ERBB2: variants seen among roughly 807,000 people sequenced by gnomAD.
The protein encoded by ERBB2 is erb-b2 receptor tyrosine kinase 2, also known as receptor tyrosine-protein kinase erbB-2.
ERBB2 carries 61 observed loss-of-function variants against 149.0 expected under a neutral mutation model. That is an observed-to-expected ratio of 0.41 (90% CI 0.33 to 0.51). The LOEUF (loss-of-function observed/expected upper bound fraction) is 0.51. Ranked by LOEUF, ERBB2 falls within the 20% of genes least tolerant of loss-of-function variation. ERBB2 has a pLI of 0.25. For missense variants in ERBB2, 1,205 were observed against 1,655.1 expected (o/e 0.73, Z 4.72); for synonymous variants, 633 against 678.8 (o/e 0.93, Z 1.05).
intron 2 of ERBB2, among the ~76,000 whole-genome samples, chr17:39,689,900 C>CAAAAA (rs77805136): frequency 4.2e-5 from 2 of 47,470 alleles, no homozygotes; most frequent in African/African-American, 8.3e-5. Context: ...GAGCGAAACT[C>CAAAAA]AAAAAAAAAA....
upstream of ERBB2, among the ~76,000 whole-genome samples, chr17:39,696,180 TC>T (rs1474468970): frequency 6.6e-6 from 1 of 152,016 alleles, no homozygotes; most frequent in Non-Finnish European, 1.5e-5. Context: ...CTGCCCCCCT[TC>T]CTCTCCTCTT....
upstream of ERBB2, among the ~76,000 whole-genome samples, chr17:39,693,055 C>T (rs555206093): frequency 6.6e-6 from 1 of 152,140 alleles, no homozygotes; most frequent in African/African-American, 2.4e-5. Context: ...GAGCAAGTCT[C>T]TGTCTCAAAA....
Position 39,701,557 on chromosome 17 carries a change from G to T in ERBB2, c.73+1246G>T, listed in dbSNP as rs1354963896. Among the ~76,000 whole-genome samples the T allele has an allele frequency of 9.9e-5, 15 of 152,166 alleles. 1 individual carries two copies. Among genetic ancestry groups the T allele is most frequent in the Admixed American group, 9.8e-4 (15 of 15,282 alleles). ...GTCAGAGGGTCTGGGGAGGGAGTGG[G>T]TGTCATCGTGGCTGTGTGTTGCCCG... is the stretch of plus-strand genomic sequence containing the variant. On this transcript the variant is annotated intron_variant, in intron 1 of 26. Coordinates refer to ENST00000269571, the MANE Select transcript of ERBB2 (RefSeq NM_004448.4).
Position 39,723,419 on chromosome 17 carries a change from C to G in ERBB2, c.2047C>G (p.Arg683Gly). 6.2e-7 allele frequency: 1 copy of G among 1,614,188 alleles called. No homozygotes were observed. Among genetic ancestry groups the G allele is most frequent in the Non-Finnish European group, 8.5e-7 (1 of 1,180,044 alleles). ...ILIKRRQQKI[R>G]KYTMRRLLQE... ...CATCAAGCGACGGCAGCAGAAGATC[C>G]GGAAGTACACGATGCGGAGACTGCT... Residue 683 changes from arginine to glycine, a missense_variant, in exon 17 of 27, where the codon CGG (arginine) becomes GGG (glycine). Physicochemically the swap from Arg to Gly is moderately radical, Grantham distance 125. Transcript: ENST00000269571. This position sits in a 1 kb window ranked among gnomAD's most constrained non-coding sequence, Gnocchi z 6.2.
chr17:39,724,051 A>T, intron 19 of ERBB2, 41 bp downstream of exon 19: 3 of 1,448,372 alleles, frequency 2.1e-6, no homozygotes, highest in Non-Finnish European at 2.9e-6. Context: ...GACAGGAAGG[A>T]CCCCATGGCT....
chr17:39,712,825 A>G (rs1423564594), intron 9 of ERBB2, among the ~76,000 whole-genome samples: 1 of 152,240 alleles, frequency 6.6e-6, no homozygotes, highest in Non-Finnish European at 1.5e-5. Flanking sequence ...AACCAAAGGA[A>G]ATGAACTACC....
Position 39,726,838 on chromosome 17 carries a change from T to G in ERBB2, c.2994T>G (p.Ser998Arg). The change falls in exon 25 of 27, where the codon AGT becomes AGG. Residue 998 changes from serine to arginine, a missense_variant. Coordinates refer to ENST00000269571, the MANE Select transcript of ERBB2 (RefSeq NM_004448.4). This position sits in a 1 kb window ranked among gnomAD's most constrained non-coding sequence, Gnocchi z 5.1. ...AGAATGAGGACTTGGGCCCAGCCAG[T>G]CCCTTGGACAGCACCTTCTACCGCT... ...VIQNEDLGPA[S>R]PLDSTFYRSL... 6.2e-7 allele frequency: 1 copy of G among 1,612,734 alleles called. No homozygotes were observed. The highest frequency in any genetic ancestry group is 8.5e-7 in the Non-Finnish European group (1 of 1,179,214).
chr17:39,723,696 G>T lies in ERBB2; in HGVS notation c.2208+36G>T. ...GGTCCTGGGGTGGGCGGCCCCAGAG[G>T]ATGGGGGCGGTGCCTGGAGGGGTGT... On this transcript the variant is annotated intron_variant, in intron 18 of 26. Coordinates refer to ENST00000269571, the MANE Select transcript of ERBB2 (RefSeq NM_004448.4). The surrounding 1 kb of genome is among the most constrained non-coding windows in gnomAD (Gnocchi z 6.2). 1.3e-6 allele frequency: 2 copies of T among 1,584,554 alleles called. No individual in the cohort carries two copies. Among genetic ancestry groups the T allele is most frequent in the Non-Finnish European group, 1.7e-6 (2 of 1,165,090 alleles).
chr17:39,718,740 AT>A (rs908547816), intron 15 of ERBB2, among the ~76,000 whole-genome samples: 11 of 148,630 alleles, frequency 7.4e-5, no homozygotes, highest in Admixed American at 2.7e-4. Flanking sequence ...TACCACCTTT[AT>A]TTTTTTTTTA....
chr17:39,703,803 A>G (rs944200031), intron 1 of ERBB2, among the ~76,000 whole-genome samples: 2 of 152,254 alleles, frequency 1.3e-5, no homozygotes, highest in African/African-American at 2.4e-5. Context: ...GGGGAATCCC[A>G]GTGTCACTTG....
upstream of ERBB2, among the ~76,000 whole-genome samples, chr17:39,694,475 T>C (rs956789277): frequency 2.0e-5 from 3 of 151,104 alleles, no homozygotes; most frequent in Admixed American, 2.0e-4. Context: ...GGAGAAATGA[T>C]AGAGACTCAG....
At chr17:39,720,034 A>T (rs2059365763) in intron 16 of ERBB2, 200 bp downstream of exon 16, 1 of 588,916 alleles carries the variant, frequency 1.7e-6, no homozygotes, top group Admixed American at 3.0e-5. Flanking sequence ...ACTGCAAGGA[A>T]AGATGGCTAG....
chr17:39,725,074 G>A lies in ERBB2; in HGVS notation c.2519G>A (p.Arg840Gln), dbSNP rs747967722. ...GGGATGAGCTACCTGGAGGATGTGC[G>A]GCTCGTACACAGGGACTTGGCCGCT... ...AKGMSYLEDV[R>Q]LVHRDLAARN... The change falls in exon 21 of 27, where the codon CGG becomes CAG. Residue 840 changes from arginine to glutamine, a missense_variant. Around this residue, in one of 6 missense-constraint regions of ERBB2, gnomAD observed 152 missense variants for 318.1 expected, o/e 0.48. Transcript: ENST00000269571. This position sits in a 1 kb window ranked among gnomAD's most constrained non-coding sequence, Gnocchi z 4.6. 5.6e-6 allele frequency: 9 copies of A among 1,614,166 alleles called. No individual in the cohort carries two copies. The highest frequency in any genetic ancestry group is 4.4e-5 in the South Asian group (4 of 91,088).
rs375706107 is a variant in ERBB2, at chr17:39,724,019, C to T, written c.2307+9C>T. 3.9e-5 allele frequency: 62 copies of T among 1,598,052 alleles called. No individual in the cohort carries two copies. In the Middle Eastern group the frequency reaches 1.5e-3, roughly 39 times the overall value. On this transcript the variant is annotated intron_variant, in intron 19 of 26. Coordinates refer to ENST00000269571, the MANE Select transcript of ERBB2 (RefSeq NM_004448.4). ...ACAAAGAAATCTTAGACGTAAGCCCCTCCACCCTCTCCTGCTAGGAGGACA... is the reference window on the plus strand; with the variant it reads ...ACAAAGAAATCTTAGACGTAAGCCCTTCCACCCTCTCCTGCTAGGAGGACA...
At chr17:39,696,659 T>G (rs979492619), upstream of ERBB2, 7 of 152,210 alleles carry the variant, frequency 4.6e-5, no homozygotes, top group Admixed American at 1.3e-4. Context: ...GGCTCAAGGT[T>G]CCTCTTCTGC....
At position 39,726,340 on chromosome 17, in the gene ERBB2, T is replaced by TA; in HGVS notation, c.2873-216dup. 1.8e-6 allele frequency: 1 copy of TA among 554,356 alleles called. No individual in the cohort carries two copies. Among genetic ancestry groups the TA allele is most frequent in the East Asian group, 2.9e-5 (1 of 34,170 alleles). 34.3% of individuals were successfully genotyped at this position (554,356 alleles called of 1,614,324 possible). A position where few individuals can be genotyped will look rare whatever the true frequency, so the allele number is the denominator to read the frequency against. On this transcript the variant is annotated intron_variant, in intron 23 of 26. Coordinates refer to ENST00000269571, the MANE Select transcript of ERBB2 (RefSeq NM_004448.4). The surrounding 1 kb of genome is among the most constrained non-coding windows in gnomAD (Gnocchi z 5.1). The stretch of plus-strand genomic sequence containing the variant: ...AGAGCGAAACCTCATCTCAAAAAAA[T>TA]AAAAAAGCAAACAAAAAGAAAAAAA...
chr17:39,720,655 T>C (rs988700502), intron 16 of ERBB2, among the ~76,000 whole-genome samples: 2 of 152,146 alleles, frequency 1.3e-5, no homozygotes, highest in Admixed American at 1.3e-4. Flanking sequence ...GCACTATCTT[T>C]TTTTTATTTT....
rs2143193226 is a variant in ERBB2, at chr17:39,727,024, T to C, written c.3159+21T>C. 1 of 1,555,260 alleles carries C rather than the reference T, an allele frequency of 6.4e-7. No individual in the cohort carries two copies. Among genetic ancestry groups the C allele is most frequent in the Non-Finnish European group, 8.7e-7 (1 of 1,153,314 alleles). On this transcript the variant is annotated intron_variant, in intron 25 of 26. Coordinates refer to ENST00000269571, the MANE Select transcript of ERBB2 (RefSeq NM_004448.4). This position sits in a 1 kb window ranked among gnomAD's most constrained non-coding sequence, Gnocchi z 4.3. ...CCAGGGTCAGTGCCCTCGGTCACAC[T>C]GTGTGGCTGTCTGCTTACCTCCCCC...
In ERBB2 at chr17:39,708,331, A is replaced by G. The variant is rs61737968; in HGVS notation, c.236A>G (p.Glu79Gly). The change falls in exon 3 of 27, where the codon GAG becomes GGG. Residue 79 changes from glutamate to glycine, a missense_variant. Glu to Gly is a moderately conservative substitution (Grantham distance 98). Coordinates refer to ENST00000269571, the MANE Select transcript of ERBB2 (RefSeq NM_004448.4). ...GCTTCCCCCTCCCAGGATATCCAGG[A>G]GGTGCAGGGCTACGTGCTCATCGCT... is the stretch of plus-strand genomic sequence containing the variant. ...ASLSFLQDIQ[E>G]VQGYVLIAHN... 6.2e-7 allele frequency: 1 copy of G among 1,612,942 alleles called. No homozygotes were observed. Among genetic ancestry groups the G allele is most frequent in the Admixed American group, 1.7e-5 (1 of 59,978 alleles).
Sources: allele counts gnomAD v4.1 joint callset (sites outside exome capture counted in the v4.1 genomes callset), GRCh38; gene constraint gnomAD v4.1.1; regional missense constraint gnomAD v4.1.1; non-coding constraint Gnocchi (gnomAD v3.1); transcripts MANE v1.5; gene names NCBI Gene and HGNC (gene_info 2026-07-23, HGNC 2026-07-21).